B3GLCT: variants seen among roughly 807,000 people sequenced by gnomAD.
B3GLCT encodes the protein beta 3-glucosyltransferase.
A neutral mutation model predicts 63.4 loss-of-function variants in B3GLCT; 65 were observed. The ratio of observed to expected loss-of-function variants is 1.03; its 90% CI spans 0.84 to 1.26. The LOEUF (loss-of-function observed/expected upper bound fraction) is 1.26. Ranked by LOEUF, B3GLCT falls within the 50% of genes most tolerant of loss-of-function variation. The probability of loss-of-function intolerance (pLI) is 0.00; values close to 1 mark genes in which losing one functional copy is unlikely to be tolerated. For synonymous variants in B3GLCT, 233 were observed against 219.2 expected (o/e 1.06, Z -0.55); for missense variants, 577 against 604.8 (o/e 0.95, Z 0.48).
chr13:31,291,339 A>C (rs1442009002), intron 12 of B3GLCT, among the ~76,000 whole-genome samples: 1 of 152,134 alleles, frequency 6.6e-6, no homozygotes, highest in Non-Finnish European at 1.5e-5. Flanking sequence ...TGAAATTTAA[A>C]ATAGTTTTTT....
intron 1 of B3GLCT, among the ~76,000 whole-genome samples, chr13:31,214,488 C>T (rs555673236): frequency 6.6e-6 from 1 of 152,310 alleles, no homozygotes; most frequent in South Asian, 2.1e-4. Context: ...TAATTCCCCT[C>T]ACTCTCCCGG....
intron 6 of B3GLCT, among the ~76,000 whole-genome samples, chr13:31,256,927 A>G (rs764228800): frequency 1.5e-4 from 23 of 152,106 alleles, no homozygotes; most frequent in Non-Finnish European, 2.9e-4. Flanking sequence ...AAAAAAAGCA[A>G]TAATTCTAAG....
At chr13:31,272,432 G>T (rs534694460) in intron 8 of B3GLCT, among the ~76,000 whole-genome samples, 1 of 151,920 alleles carries the variant, frequency 6.6e-6, no homozygotes, top group African/African-American at 2.4e-5. Flanking sequence ...TGGCCAGGCT[G>T]GTCTTGAATT....
At chr13:31,247,161 T>A (rs1871236115) in intron 5 of B3GLCT, 62 bp downstream of exon 5, 11 of 1,301,356 alleles carry the variant, frequency 8.5e-6, no homozygotes, top group Middle Eastern at 3.6e-4. Context: ...TTTACGCCCT[T>A]AGTCTTTTTA....
At chr13:31,319,887 A>G (rs1566097872) in intron 13 of B3GLCT, among the ~76,000 whole-genome samples, 1 of 152,170 alleles carries the variant, frequency 6.6e-6, no homozygotes, top group Non-Finnish European at 1.5e-5. Flanking sequence ...ATGAGTTCTT[A>G]TCCCAGGAGT....
intron 12 of B3GLCT, among the ~76,000 whole-genome samples, chr13:31,312,135 C>T (rs866069594): frequency 2.6e-5 from 4 of 152,146 alleles, no homozygotes; most frequent in Admixed American, 6.5e-5. Context: ...GTTAAGATGG[C>T]CGTTTGAGCT....
At position 31,223,117 on chromosome 13, in the gene B3GLCT, CT is replaced by C. The variant is rs549092880; in HGVS notation, c.160+129del. 389 of 706,368 alleles carry C rather than the reference CT, an allele frequency of 5.5e-4. 8 individuals are homozygous for C. The South Asian group carries it at 6.3e-3, about 11-fold the overall frequency. 43.8% of individuals were successfully genotyped at this position (706,368 alleles called of 1,614,324 possible). On this transcript the variant is annotated intron_variant, in intron 3 of 14. Coordinates refer to ENST00000343307, the MANE Select transcript of B3GLCT (RefSeq NM_194318.4). ...AAATATTGTTGTTCAAATATTCTGT[CT>C]TTGGCCCAGCCTAACGTTTGCTCTC...
intron 8 of B3GLCT, among the ~76,000 whole-genome samples, chr13:31,272,790 T>C (rs1369473415): frequency 5.3e-5 from 8 of 152,186 alleles, no homozygotes. Flanking sequence ...CCCTGGAAAC[T>C]TAGATATTGT....
intron 10 of B3GLCT, among the ~76,000 whole-genome samples, chr13:31,280,719 T>C (rs967790922): frequency 3.3e-5 from 5 of 152,244 alleles, no homozygotes; most frequent in Non-Finnish European, 5.9e-5. Flanking sequence ...TATTGTACTT[T>C]CTTGGCTTAA....
chr13:31,245,228 T>C (rs757392516), intron 4 of B3GLCT, among the ~76,000 whole-genome samples: 15 of 152,174 alleles, frequency 9.9e-5, no homozygotes, highest in Non-Finnish European at 1.8e-4. Context: ...AGGAAAGTGC[T>C]TTTGTAGCCT....
At chr13:31,300,429 C>T (rs769207764) in intron 12 of B3GLCT, among the ~76,000 whole-genome samples, 6 of 152,126 alleles carry the variant, frequency 3.9e-5, no homozygotes, top group East Asian at 3.8e-4. Context: ...TGTAATATTG[C>T]AGTAAAGAGT....
At chr13:31,282,081 A>G (rs1039486985) in intron 10 of B3GLCT, among the ~76,000 whole-genome samples, 4 of 152,214 alleles carry the variant, frequency 2.6e-5, no homozygotes, top group African/African-American at 9.7e-5. Context: ...TTATTATAGG[A>G]AGTATACTTC....
Position 31,244,317 on chromosome 13 carries a change from C to T in B3GLCT, c.271-2706C>T, listed in dbSNP as rs565970657. ...GACCAGCCTGGCCAACATGGTGAAACCCTGTCTCTATTAATAACACAAAAA... is the reference window on the plus strand; with the variant it reads ...GACCAGCCTGGCCAACATGGTGAAATCCTGTCTCTATTAATAACACAAAAA... On this transcript the variant is annotated intron_variant, in intron 4 of 14. Coordinates refer to ENST00000343307, the MANE Select transcript of B3GLCT (RefSeq NM_194318.4). Among the ~76,000 whole-genome samples the T allele has an allele frequency of 1.8e-4, 27 of 152,220 alleles. 1 individual carries two copies. The South Asian group carries it at 5.6e-3, about 32-fold the overall frequency.
intron 12 of B3GLCT, 107 bp from the exon 13 acceptor site, chr13:31,317,459 C>A: frequency 7.7e-7 from 1 of 1,298,252 alleles, no homozygotes; most frequent in Non-Finnish European, 1.1e-6. Context: ...TTAACTATTT[C>A]AGTTTAGTAT....
chr13:31,241,363 T>C (rs1215248491), intron 4 of B3GLCT, among the ~76,000 whole-genome samples: 4 of 152,136 alleles, frequency 2.6e-5, no homozygotes, highest in Admixed American at 2.0e-4. Flanking sequence ...CTCCTCTGGG[T>C]GTCTAGTGGT....
intron 12 of B3GLCT, among the ~76,000 whole-genome samples, chr13:31,313,469 A>T (rs1308549198): frequency 6.6e-6 from 1 of 152,220 alleles, no homozygotes; most frequent in Non-Finnish European, 1.5e-5. Context: ...GCTGTGTTTT[A>T]GCAAAGAGAC....
intron 1 of B3GLCT, among the ~76,000 whole-genome samples, chr13:31,214,783 A>G (rs1869465526): frequency 6.6e-6 from 1 of 152,244 alleles, no homozygotes; most frequent in Non-Finnish European, 1.5e-5. Flanking sequence ...CTATAGACAC[A>G]AATGGCATAC....
At chr13:31,319,383 A>G (rs1875214391) in intron 13 of B3GLCT, among the ~76,000 whole-genome samples, 1 of 64,546 alleles carries the variant, frequency 1.5e-5, no homozygotes, top group South Asian at 6.4e-4. Context: ...TCAGCCTTCT[A>G]AGAGTCATAA....
chr13:31,243,359 G>A (rs1265234515), intron 4 of B3GLCT, among the ~76,000 whole-genome samples: 1 of 152,186 alleles, frequency 6.6e-6, no homozygotes, highest in East Asian at 1.9e-4. Flanking sequence ...GCACCATGTA[G>A]TTTAATTGTT....
Sources: allele counts gnomAD v4.1 joint callset (sites outside exome capture counted in the v4.1 genomes callset), GRCh38; gene constraint gnomAD v4.1.1; transcripts MANE v1.5; gene names NCBI Gene and HGNC (gene_info 2026-07-23, HGNC 2026-07-21).